The following RALGAPA2 variants were observed in gnomAD, a reference collection of about 807,000 sequenced individuals.
RALGAPA2 encodes the protein ral GTPase-activating protein subunit alpha-2.
RALGAPA2 carries 139 observed loss-of-function variants against 230.4 expected under a neutral mutation model. The observed-to-expected ratio is 0.60, with a 90% CI of 0.53 to 0.69. The LOEUF (loss-of-function observed/expected upper bound fraction) is 0.69, where lower values mean the gene tolerates loss of function less well. Ranked by LOEUF, RALGAPA2 falls within the 30% of genes least tolerant of loss-of-function variation. The pLI is 0.00. For synonymous variants in RALGAPA2, 847 were observed against 837.8 expected, an observed-to-expected ratio of 1.01 and a Z score of -0.19; for missense variants, 2,163 against 2,276.0, an observed-to-expected ratio of 0.95 and a Z score of 1.01.
intron 1 of RALGAPA2, among the ~76,000 whole-genome samples, chr20:20,702,033 C>G (rs974805695): frequency 6.7e-6 from 1 of 149,872 alleles, no homozygotes; most frequent in African/African-American, 2.5e-5. Flanking sequence ...GAGCAAGACT[C>G]CATCTCAATA....
At chr20:20,465,429 G>A (rs1481204352) in intron 37 of RALGAPA2, among the ~76,000 whole-genome samples, 1 of 152,162 alleles carries the variant, frequency 6.6e-6, no homozygotes, top group Non-Finnish European at 1.5e-5. Context: ...AGACTCCCAG[G>A]TTAGGGGTCA....
intron 10 of RALGAPA2, among the ~76,000 whole-genome samples, chr20:20,621,810 G>C (rs781584214): frequency 3.9e-5 from 6 of 152,246 alleles, no homozygotes; most frequent in Non-Finnish European, 8.8e-5. Flanking sequence ...ACAAGAGGGA[G>C]AGGTTCCCCA....
intron 37 of RALGAPA2, among the ~76,000 whole-genome samples, chr20:20,442,113 G>A (rs1022444175): frequency 3.3e-5 from 5 of 152,222 alleles, no homozygotes; most frequent in Admixed American, 6.5e-5. Context: ...GCACCAAGCC[G>A]GGGTGTGAAT....
Position 20,616,080 on chromosome 20 carries a change from G to T in RALGAPA2, c.1651C>A (p.Arg551Ser). 4 of 1,548,956 alleles carry T rather than the reference G, an allele frequency of 2.6e-6. No individual in the cohort carries two copies. Among genetic ancestry groups the T allele is most frequent in the Non-Finnish European group, 3.5e-6 (4 of 1,146,558 alleles). ...ACKAVLIIFR[R>S]MIMELTMNKK... Reference sequence around the variant, plus strand: ...TTCATTGTAAGCTCCATTATCATGCGCCTAAAAATAATCAAAACAGCTTTA... The same window carrying T: ...TTCATTGTAAGCTCCATTATCATGCTCCTAAAAATAATCAAAACAGCTTTA... The change falls in exon 13 of 40, where the codon CGC (arginine) becomes AGC (serine). Residue 551 changes from arginine to serine, a missense_variant. Arg to Ser is a moderately radical substitution (Grantham distance 110). Coordinates refer to ENST00000202677, the MANE Select transcript of RALGAPA2 (RefSeq NM_020343.4).
intron 1 of RALGAPA2, among the ~76,000 whole-genome samples, chr20:20,702,420 AAGG>A (rs1213060404): frequency 6.6e-6 from 1 of 152,176 alleles, no homozygotes; most frequent in African/African-American, 2.4e-5. Flanking sequence ...GACCCCTGGG[AAGG>A]AGAAGGGGAA....
intron 9 of RALGAPA2, among the ~76,000 whole-genome samples, chr20:20,633,376 C>T (rs546544625): frequency 6.6e-6 from 1 of 152,200 alleles, no homozygotes; most frequent in Non-Finnish European, 1.5e-5. Context: ...TTCAAGTGAT[C>T]TGCCTGTCTT....
rs531843498 is a variant in RALGAPA2 at position 20,438,780 on chromosome 20, T to C, written c.5496-26632A>G. ...GACTAAAAGACGGACTAATTATTTA[T>C]ATATATGTATTTCCCCCCAAACAAC... On this transcript the variant is annotated intron_variant, in intron 37 of 39. Transcript: ENST00000202677. 2.0e-5 allele frequency among the ~76,000 whole-genome samples: 3 copies of C among 152,364 alleles called. No individual in the cohort carries two copies. In the South Asian group the frequency reaches 6.2e-4, roughly 32 times the overall value.
chr20:20,677,628 C>CTTTTTTTTTTTTTTTT (rs1568741580), intron 2 of RALGAPA2, among the ~76,000 whole-genome samples: 2 of 121,840 alleles, frequency 1.6e-5, no homozygotes, highest in African/African-American at 3.4e-5. Flanking sequence ...TGATTTGACC[C>CTTTTTTTTTTTTTTTT]ATTTTTTTTT....
Position 20,605,446 on chromosome 20 carries a change from A to T in RALGAPA2, c.1801-34T>A, listed in dbSNP as rs373600186. The T allele has an allele frequency of 1.4e-5, 21 of 1,456,922 alleles. No individual in the cohort carries two copies. The African/African-American group carries it at 2.5e-4, about 17-fold the overall frequency. 90.2% of individuals were successfully genotyped at this position (1,456,922 alleles called of 1,614,324 possible). ...AACCAACCAACAAGAGAATTCACAC[A>T]TCTTCATTTGGAAAAAGCATACTTT... On this transcript the variant is annotated intron_variant, in intron 14 of 39. Coordinates refer to ENST00000202677, the MANE Select transcript of RALGAPA2 (RefSeq NM_020343.4).
chr20:20,457,404 C>A (rs760548931), intron 37 of RALGAPA2, among the ~76,000 whole-genome samples: 4 of 152,174 alleles, frequency 2.6e-5, no homozygotes, highest in Non-Finnish European at 5.9e-5. Flanking sequence ...CAGGAAAGAT[C>A]TTATAAAAGC....
chr20:20,524,298 C>G (rs1398902676), intron 30 of RALGAPA2, 108 bp downstream of exon 30: 14 of 1,424,776 alleles, frequency 9.8e-6, no homozygotes, highest in Non-Finnish European at 9.6e-7. Context: ...CACCATAAAT[C>G]CTTTTCAAAA....
chr20:20,639,772 A>G lies in RALGAPA2; in HGVS notation c.666+13T>C. 2 of 1,556,700 alleles carry G rather than the reference A, an allele frequency of 1.3e-6. No individual in the cohort carries two copies. Among genetic ancestry groups the G allele is most frequent in the African/African-American group, 1.4e-5 (1 of 73,708 alleles). On this transcript the variant is annotated intron_variant, in intron 7 of 39. Transcript: ENST00000202677. Reference sequence around the variant, plus strand: ...TAAACCCATCACTGAAATAGTCATAATTTTTCTCTGACCTGAATAACCATA... The same window carrying G: ...TAAACCCATCACTGAAATAGTCATAGTTTTTCTCTGACCTGAATAACCATA...
chr20:20,521,058 G>A lies in RALGAPA2; in HGVS notation c.3943C>T (p.Gln1315Ter). 5 of 1,613,820 alleles carry A rather than the reference G, an allele frequency of 3.1e-6. No homozygotes were observed. Among genetic ancestry groups the A allele is most frequent in the Non-Finnish European group, 4.2e-6 (5 of 1,179,762 alleles). Reference sequence around the variant, plus strand: ...GCCAGGGTCAGTATGTAGTGACTCTGTTGGGTGTACGTGCTTGAGCCACAC... The same window carrying A: ...GCCAGGGTCAGTATGTAGTGACTCTATTGGGTGTACGTGCTTGAGCCACAC... ...CVCGSSTYTQ[Q>*]SHYILTLADL... The change falls in exon 31 of 40, where the codon CAG becomes TAG. Residue 1315 changes from glutamine to a stop codon, truncating the protein, a stop_gained. Coordinates refer to ENST00000202677, the MANE Select transcript of RALGAPA2 (RefSeq NM_020343.4). LOFTEE classifies it high-confidence loss of function.
At chr20:20,500,536 G>T (rs2062343881) in intron 35 of RALGAPA2, among the ~76,000 whole-genome samples, 1 of 152,190 alleles carries the variant, frequency 6.6e-6, no homozygotes, top group Admixed American at 6.5e-5. Flanking sequence ...TACATCTTCA[G>T]TCTCCACTTC....
chr20:20,521,699 TTGAATATGC>T (rs910713468), intron 30 of RALGAPA2, among the ~76,000 whole-genome samples: 8 of 152,348 alleles, frequency 5.3e-5, no homozygotes, highest in Non-Finnish European at 1.0e-4. Flanking sequence ...ACAAATCATC[TTGAATATGC>T]CAAAATGCAT....
chr20:20,536,188 C>T (rs73290978), intron 25 of RALGAPA2, among the ~76,000 whole-genome samples: 2,779 of 152,274 alleles, frequency 0.018, 89 homozygotes, highest in African/African-American at 0.064. Context: ...TTTTTGTTTA[C>T]CTCAAAGTCA....
chr20:20,654,852 C>T (rs2067533310), intron 3 of RALGAPA2, among the ~76,000 whole-genome samples: 1 of 152,150 alleles, frequency 6.6e-6, no homozygotes, highest in Non-Finnish European at 1.5e-5. Context: ...CTAATTTACA[C>T]TCCCACCAAC....
intron 1 of RALGAPA2, among the ~76,000 whole-genome samples, chr20:20,693,548 G>A (rs1354204532): frequency 1.3e-5 from 2 of 152,144 alleles, no homozygotes; most frequent in Admixed American, 6.5e-5. Context: ...CCTAGGAGCT[G>A]TAGTCACCTC....
rs117694757 is a variant in RALGAPA2, at chr20:20,614,414, T to C, written c.1688+1629A>G. Among the ~76,000 whole-genome samples the C allele has an allele frequency of 4.3e-3, 658 of 152,252 alleles. 3 individuals are homozygous for C. Among genetic ancestry groups the C allele is most frequent in the Non-Finnish European group, 7.4e-3 (504 of 68,004 alleles). ...AGGGAGTTTTCAAAGGAAAAAAACATTAAAAATGATGTTGATAAAACTATG... is the reference window on the plus strand; with the variant it reads ...AGGGAGTTTTCAAAGGAAAAAAACACTAAAAATGATGTTGATAAAACTATG... On this transcript the variant is annotated intron_variant, in intron 13 of 39. Transcript: ENST00000202677.
Sources: allele counts gnomAD v4.1 joint callset (sites outside exome capture counted in the v4.1 genomes callset), GRCh38; gene constraint gnomAD v4.1.1; transcripts MANE v1.5; gene names NCBI Gene and HGNC (gene_info 2026-07-23, HGNC 2026-07-21).